Variants in APOLD1 observed in about 807,000 individuals in gnomAD.
APOLD1 encodes apolipoprotein L domain containing 1, also known as apolipoprotein L domain-containing protein 1.
In APOLD1, 22 loss-of-function variants were observed where a neutral mutation model predicts 15.3. That is an observed-to-expected ratio of 1.44 (90% CI 1.03 to 2.05). The LOEUF (loss-of-function observed/expected upper bound fraction) is 2.05. APOLD1 is among the 30% of genes most tolerant of loss of function. The pLI, the probability that APOLD1 is intolerant of heterozygous loss-of-function variation, is 0.00. For synonymous variants in APOLD1, 190 were observed against 167.4 expected, an observed-to-expected ratio of 1.13 and a Z score of -1.04; for missense variants, 394 against 353.5, an observed-to-expected ratio of 1.11 and a Z score of -0.92.
chr12:12,745,279 C>T (rs1211143677), intron 1 of APOLD1, among the ~76,000 whole-genome samples: 3 of 152,172 alleles, frequency 2.0e-5, no homozygotes, highest in Admixed American at 1.3e-4. Flanking sequence ...AGGTGGCACA[C>T]GCCTGTAATC....
intron 1 of APOLD1, among the ~76,000 whole-genome samples, chr12:12,749,794 A>G (rs944970788): frequency 1.3e-5 from 2 of 152,162 alleles, no homozygotes; most frequent in Non-Finnish European, 2.9e-5. Flanking sequence ...TGTGGAGTGT[A>G]CTTTCGTTTT....
chr12:12,728,909 T>C (rs1414422802), intron 1 of APOLD1, among the ~76,000 whole-genome samples: 1 of 152,136 alleles, frequency 6.6e-6, no homozygotes, highest in East Asian at 1.9e-4. Flanking sequence ...AAGTATACCA[T>C]ATTCTTGGAT....
chr12:12,746,537 A>ACATG (rs1592293974), intron 1 of APOLD1, among the ~76,000 whole-genome samples: 2 of 152,178 alleles, frequency 1.3e-5, no homozygotes, highest in East Asian at 3.8e-4. Flanking sequence ...ATACATACAT[A>ACATG]TTGCTCCAAA....
intron 1 of APOLD1, among the ~76,000 whole-genome samples, chr12:12,777,923 T>TTTTTTTTTGTTG (rs1555092183): frequency 3.3e-5 from 4 of 121,644 alleles, no homozygotes; most frequent in Non-Finnish European, 3.4e-5. Context: ...TTTTTTTTTT[T>TTTTTTTTTGTTG]TTGTTGTTGT....
chr12:12,761,837 A>AT (rs1946902570), intron 1 of APOLD1, among the ~76,000 whole-genome samples: 1 of 130,382 alleles, frequency 7.7e-6, no homozygotes, highest in African/African-American at 3.9e-5. Context: ...GTATAGAGAG[A>AT]GAGAGAGAGA....
intron 1 of APOLD1, among the ~76,000 whole-genome samples, chr12:12,759,882 T>C (rs1320613807): frequency 6.6e-6 from 1 of 152,076 alleles, no homozygotes; most frequent in Admixed American, 6.5e-5. Context: ...CAAATATTAA[T>C]AGAAGTGAAA....
intron 1 of APOLD1, chr12:12,786,658 C>G (rs1592311385): frequency 1.0e-6 from 1 of 985,320 alleles, no homozygotes; most frequent in Non-Finnish European, 1.2e-6. Flanking sequence ...GGGAGAGAAG[C>G]AGAAGATAGC....
chr12:12,774,769 G>T (rs1258764197), intron 1 of APOLD1, among the ~76,000 whole-genome samples: 1 of 152,010 alleles, frequency 6.6e-6, no homozygotes, highest in African/African-American at 2.4e-5. Context: ...ATATTGATTA[G>T]AATGGCCAAA....
upstream of APOLD1, among the ~76,000 whole-genome samples, chr12:12,781,978 G>T (rs1386022477): frequency 6.6e-6 from 1 of 151,746 alleles, no homozygotes; most frequent in East Asian, 2.0e-4. Flanking sequence ...ACCAGTTCTG[G>T]CTGGCCATGG....
chr12:12,726,954 T>A (rs1014854374), intron 1 of APOLD1, among the ~76,000 whole-genome samples: 10 of 152,218 alleles, frequency 6.6e-5, no homozygotes, highest in African/African-American at 2.4e-4. Flanking sequence ...AGCAGTGAGC[T>A]CACCATCCCT....
At chr12:12,769,154 G>A (rs1243202295) in intron 1 of APOLD1, among the ~76,000 whole-genome samples, 1 of 149,212 alleles carries the variant, frequency 6.7e-6, no homozygotes, top group Non-Finnish European at 1.5e-5. Flanking sequence ...CTTGAGCCTA[G>A]GCAATTAAGG....
At chr12:12,755,143 CAG>C (rs1946847478) in intron 1 of APOLD1, among the ~76,000 whole-genome samples, 1 of 152,106 alleles carries the variant, frequency 6.6e-6, no homozygotes, top group African/African-American at 2.4e-5. Flanking sequence ...AGCTCAGAAA[CAG>C]ACTCACTCAT....
At chr12:12,768,746 T>C (rs1419029973) in intron 1 of APOLD1, among the ~76,000 whole-genome samples, 1 of 151,652 alleles carries the variant, frequency 6.6e-6, no homozygotes, top group South Asian at 2.1e-4. Context: ...CTCAAACTCC[T>C]CGTTTTCACT....
upstream of APOLD1, among the ~76,000 whole-genome samples, chr12:12,781,514 T>C (rs1947079882): frequency 6.6e-6 from 1 of 151,652 alleles, no homozygotes; most frequent in Admixed American, 6.6e-5. Flanking sequence ...TTGAGCGTAA[T>C]TATCACTTTA....
chr12:12,776,016 A>AAAC (rs1229023277), intron 1 of APOLD1, among the ~76,000 whole-genome samples: 3 of 150,732 alleles, frequency 2.0e-5, no homozygotes, highest in Admixed American at 1.3e-4. Context: ...AAAAAAAAAA[A>AAAC]AAAAAAAAAA....
chr12:12,733,108 G>A (rs1946655066), intron 1 of APOLD1, among the ~76,000 whole-genome samples: 1 of 151,286 alleles, frequency 6.6e-6, no homozygotes. Flanking sequence ...AAGCCCAGGA[G>A]TTTGAGACCA....
intron 1 of APOLD1, among the ~76,000 whole-genome samples, chr12:12,733,244 T>TAAGAAAGGAGGTCTAG (rs777819176): frequency 2.2e-3 from 339 of 151,536 alleles, no homozygotes; most frequent in Non-Finnish European, 4.1e-3. Flanking sequence ...GAGGATCACC[T>TAAGAAAGGAGGTCTAG]AAGAAAGGAG....
rs534033040 is a variant in APOLD1, at chr12:12,758,830, T to A, written c.97-28079T>A. On this transcript the variant is annotated intron_variant, in intron 1 of 1. Transcript: ENST00000326765. The stretch of plus-strand genomic sequence containing the variant: ...ATCTCGGCATATGATTTCTTTTCTT[T>A]CCTTATTGAGAACCTTCACCTTTTC... Among the ~76,000 whole-genome samples, 3 of 152,344 alleles carry A rather than the reference T, an allele frequency of 2.0e-5. No individual in the cohort carries two copies. In the East Asian group the frequency reaches 5.8e-4, roughly 29 times the overall value.
chr12:12,737,811 G>C (rs759747926), intron 1 of APOLD1, among the ~76,000 whole-genome samples: 1 of 152,222 alleles, frequency 6.6e-6, no homozygotes, highest in East Asian at 1.9e-4. Flanking sequence ...GTTCAACCGT[G>C]GGAATGTGGC....
Sources: gnomAD v4.1 joint callset for allele counts (sites outside exome capture counted in the v4.1 genomes callset) on GRCh38, gnomAD v4.1.1 for gene constraint, MANE v1.5 for transcripts, NCBI Gene and HGNC (gene_info 2026-07-23, HGNC 2026-07-21) for gene names.